Variants in STAB2 observed in about 807,000 individuals in gnomAD.
STAB2 encodes the protein stabilin 2, also known as stabilin-2.
Under a neutral mutation model 338.1 loss-of-function variants are expected in STAB2, and 288 were observed. The ratio of observed to expected loss-of-function variants is 0.85; its 90% CI spans 0.77 to 0.94. The LOEUF (loss-of-function observed/expected upper bound fraction) is 0.94, where lower values mean the gene tolerates loss of function less well. Among genes scored for constraint, STAB2 ranks in the 40% least tolerant of loss-of-function variants. The pLI, the probability that STAB2 is intolerant of heterozygous loss-of-function variation, is 0.00. For missense variants in STAB2, 3,141 were observed against 3,210.1 expected (o/e 0.98, Z 0.52); for synonymous variants, 1,202 against 1,193.3 (o/e 1.01, Z -0.15).
chr12:103,761,622 C>T (rs1383027872), intron 66 of STAB2, among the ~76,000 whole-genome samples: 3 of 152,074 alleles, frequency 2.0e-5, no homozygotes, highest in African/African-American at 7.2e-5. Flanking sequence ...CAGCACCAGT[C>T]ACCATTAATA....
rs113503423 is a variant in STAB2 at position 103,757,955 on chromosome 12, C to G, written c.6988-215C>G. Reference sequence around the variant, plus strand: ...CAGCCACGTGGAGGATGGGCTGTGACGTGGCTGTGTCTTAAACCATAGGAT... The same window carrying G: ...CAGCCACGTGGAGGATGGGCTGTGAGGTGGCTGTGTCTTAAACCATAGGAT... On this transcript the variant is annotated intron_variant, in intron 63 of 68. Transcript: ENST00000388887. The G allele has an allele frequency of 2.0e-4, 127 of 622,258 alleles. No individual in the cohort carries two copies. The African/African-American group carries it at 2.1e-3, about 10-fold the overall frequency. 38.5% of individuals were successfully genotyped at this position (622,258 alleles called of 1,614,324 possible).
intron 6 of STAB2, among the ~76,000 whole-genome samples, chr12:103,636,262 T>G (rs576884767): frequency 6.8e-6 from 1 of 147,444 alleles, no homozygotes; most frequent in African/African-American, 2.5e-5. Context: ...GCGTTCTCAT[T>G]GTTCAATTCC....
At chr12:103,689,341 G>C (rs1877717709) in intron 28 of STAB2, among the ~76,000 whole-genome samples, 2 of 152,082 alleles carry the variant, frequency 1.3e-5, no homozygotes, top group Non-Finnish European at 2.9e-5. Context: ...AAATTAGCCA[G>C]GCATGGTGGT....
Position 103,749,444 on chromosome 12 carries a change from C to T in STAB2, c.6438+288C>T, listed in dbSNP as rs371833273. Among the ~76,000 whole-genome samples, 11 of 152,224 alleles carry T rather than the reference C, an allele frequency of 7.2e-5. No individual in the cohort carries two copies. The East Asian group carries it at 7.7e-4, about 11-fold the overall frequency. On this transcript the variant is annotated intron_variant, in intron 59 of 68. Coordinates refer to ENST00000388887, the MANE Select transcript of STAB2 (RefSeq NM_017564.10). Reference sequence around the variant, plus strand: ...ACTAATGTGCTATAGTTATGTTGGACATCAGGGGAAAGTGGGTAGAGAGTA... The same window carrying T: ...ACTAATGTGCTATAGTTATGTTGGATATCAGGGGAAAGTGGGTAGAGAGTA...
rs1873840196 is a variant in STAB2 at position 103,652,754 on chromosome 12, C to G, written c.1407+49C>G. ...TCCCAGAACTAAATTATCCACCAAG[C>G]CAATGCCCATATCCTTCTCTCTCTT... On this transcript the variant is annotated intron_variant, in intron 12 of 68. Coordinates refer to ENST00000388887, the MANE Select transcript of STAB2 (RefSeq NM_017564.10). The G allele has an allele frequency of 3.3e-6, 5 of 1,495,766 alleles. No individual in the cohort carries two copies. In the South Asian group the frequency reaches 6.0e-5, roughly 18 times the overall value. The allele number at this position is 1,495,766 out of a possible 1,614,324, so 92.7% of individuals were successfully genotyped here.
At chr12:103,620,622 TAAAC>T (rs1258624408) in intron 4 of STAB2, 69 bp downstream of exon 4, 27 of 1,104,658 alleles carry the variant, frequency 2.4e-5, no homozygotes, top group Non-Finnish European at 3.5e-5. Context: ...TGATCCTCCT[TAAAC>T]ACACACACAC....
Position 103,668,637 on chromosome 12 carries a change from C to T in STAB2, c.2086-6C>T, listed in dbSNP as rs183501097. ...TGCCATGCTTTCCCTCCTTGGCTTT[C>T]TCCAGGCACTCTTCACACACAGATG... On this transcript the variant is annotated splice_region_variant and splice_polypyrimidine_tract_variant and intron_variant, in intron 19 of 68. Transcript: ENST00000388887. 0.012 allele frequency: 19,201 copies of T among 1,551,474 alleles called. 198 individuals carry two copies. Among genetic ancestry groups the T allele is most frequent in the Non-Finnish European group, 0.013 (15,109 of 1,147,034 alleles).
In STAB2 at chr12:103,618,720, C is replaced by T. The variant is rs151287338; in HGVS notation, c.332-1748C>T. On this transcript the variant is annotated intron_variant, in intron 3 of 68. Transcript: ENST00000388887. ...CACTTAACCACTCTGTGCCTGTTTC[C>T]TCATCTAGAAAGTATGGCTAAAAAT... Among the ~76,000 whole-genome samples the T allele has an allele frequency of 4.4e-3, 675 of 152,278 alleles. 3 individuals carry two copies. The highest frequency in any genetic ancestry group is 0.016 in the African/African-American group (655 of 41,530).
At chr12:103,717,190 C>T (rs1880385043) in intron 43 of STAB2, among the ~76,000 whole-genome samples, 1 of 152,142 alleles carries the variant, frequency 6.6e-6, no homozygotes, top group Admixed American at 6.5e-5. Flanking sequence ...CCGGGTGCTC[C>T]TGCGCAGACA....
At chr12:103,759,304 C>G in intron 65 of STAB2, 31 bp downstream of exon 65, 1 of 1,608,614 alleles carries the variant, frequency 6.2e-7, no homozygotes, top group Non-Finnish European at 8.5e-7. Context: ...CTTGGGGGAA[C>G]GGGAGATAAT....
chr12:103,655,301 GT>G lies in STAB2; in HGVS notation c.1604del (p.Leu535Ter), dbSNP rs771648729. The G allele has an allele frequency of 6.2e-7, 1 of 1,613,058 alleles. No individual in the cohort carries two copies. The highest frequency in any genetic ancestry group is 8.5e-7 in the Non-Finnish European group (1 of 1,179,726). ...CAAGGTACAGCAAGTTCAGATCTTTGTTAGAGGTAAGCACTTTTCATAATTT... is the reference window on the plus strand; with the variant it reads ...CAAGGTACAGCAAGTTCAGATCTTTGTAGAGGTAAGCACTTTTCATAATTT... Reference protein sequence around the residue: ...QPRYSKFRSLLEETNLGHALD... With the variant: ...QPRYSKFRSLXEETNLGHALD... On this transcript the variant is annotated frameshift_variant, in exon 14 of 69. Transcript: ENST00000388887. LOFTEE classifies it high-confidence loss of function.
intron 9 of STAB2, among the ~76,000 whole-genome samples, chr12:103,648,037 T>A (rs1873460127): frequency 6.6e-6 from 1 of 152,224 alleles, no homozygotes; most frequent in South Asian, 2.1e-4. Flanking sequence ...TTACCCTCAC[T>A]CTTTTCTCAA....
chr12:103,697,825 G>T (rs1878531847), intron 33 of STAB2, among the ~76,000 whole-genome samples: 2 of 152,204 alleles, frequency 1.3e-5, no homozygotes, highest in South Asian at 2.1e-4. Context: ...GGAGAACAAT[G>T]GGAGGAGGTT....
chr12:103,641,811 C>T (rs1403803536), intron 9 of STAB2, among the ~76,000 whole-genome samples: 1 of 152,186 alleles, frequency 6.6e-6, no homozygotes, highest in African/African-American at 2.4e-5. Flanking sequence ...CACCCACAAA[C>T]CTTCCCACAC....
chr12:103,604,109 A>G (rs1050567608), intron 3 of STAB2, among the ~76,000 whole-genome samples: 3 of 152,084 alleles, frequency 2.0e-5, no homozygotes, highest in Non-Finnish European at 4.4e-5. Flanking sequence ...CTTTCTGGAG[A>G]TACTTTGGAA....
intron 48 of STAB2, among the ~76,000 whole-genome samples, 159 bp from the exon 49 acceptor site, chr12:103,729,957 T>G (rs1246087378): frequency 2.2e-4 from 34 of 152,256 alleles, no homozygotes; most frequent in Admixed American, 2.2e-3. Context: ...TATCTCTGTT[T>G]TCACTTTATA....
intron 25 of STAB2, among the ~76,000 whole-genome samples, chr12:103,677,936 T>C (rs1464216178): frequency 6.6e-6 from 1 of 152,216 alleles, no homozygotes; most frequent in Non-Finnish European, 1.5e-5. Flanking sequence ...AGCTCTGCAG[T>C]GTATTGATCA....
chr12:103,637,870 C>T, intron 7 of STAB2, 146 bp from the exon 8 acceptor site: 1 of 820,840 alleles, frequency 1.2e-6, no homozygotes. Flanking sequence ...ATAAATCTGT[C>T]TGGTTCAGGG....
intron 24 of STAB2, 123 bp downstream of exon 24, chr12:103,676,144 A>G: frequency 1.7e-6 from 1 of 589,018 alleles, no homozygotes; most frequent in East Asian, 3.5e-5. Flanking sequence ...TCACTGCAAC[A>G]TCCGCCTCCC....
Sources: gnomAD v4.1 joint callset for allele counts (sites outside exome capture counted in the v4.1 genomes callset) on GRCh38, gnomAD v4.1.1 for gene constraint, MANE v1.5 for transcripts, NCBI Gene and HGNC (gene_info 2026-07-23, HGNC 2026-07-21) for gene names.